Variants in LHCGR observed in about 807,000 individuals in gnomAD.
LHCGR encodes luteinizing hormone/choriogonadotropin receptor, also known as lutropin-choriogonadotropic hormone receptor.
LHCGR carries 55 observed loss-of-function variants against 60.7 expected under a neutral mutation model. The ratio of observed to expected loss-of-function variants is 0.91; its 90% CI spans 0.73 to 1.13. LHCGR has a LOEUF of 1.13. Ranked by LOEUF, LHCGR falls within the 50% of genes most tolerant of loss-of-function variation. The probability of loss-of-function intolerance (pLI) is 0.00; values close to 1 mark genes in which losing one functional copy is unlikely to be tolerated. For synonymous variants in LHCGR, 337 were observed against 316.5 expected (o/e 1.06, Z -0.69); for missense variants, 862 against 836.0 (o/e 1.03, Z -0.38).
intron 1 of LHCGR, among the ~76,000 whole-genome samples, chr2:48,748,207 A>C (rs377048610): frequency 6.6e-6 from 1 of 152,306 alleles, no homozygotes; most frequent in East Asian, 1.9e-4. Context: ...TACATCTGGA[A>C]GACTATAAGC....
rs535477197 is a variant in LHCGR at position 48,687,976 on chromosome 2, T to C, written c.1821A>G (p.Leu607=). ...AATTGATGGGATAAAAAAGAACCAG[T>C]AAAACTTTAGAGTTGGTTACTGTGA... The part of the protein sequence containing the change: ...PLITVTNSKV[L]LVLFYPINSC... Residue 607 remains leucine, a synonymous_variant, in exon 11 of 11, where the codon TTA becomes TTG. Transcript: ENST00000294954. 1.9e-5 allele frequency: 31 copies of C among 1,614,148 alleles called. No homozygotes were observed. The highest frequency in any genetic ancestry group is 2.6e-5 in the Non-Finnish European group (31 of 1,180,010).
At position 48,745,458 on chromosome 2, in the gene LHCGR, A is replaced by C. The variant is rs185626189; in HGVS notation, c.161+10053T>G. Reference sequence around the variant, plus strand: ...CTTGGAACCAAGCCAAATGTCCAACAATGATAGACTGGATTAAGAAAATGT... The same window carrying C: ...CTTGGAACCAAGCCAAATGTCCAACCATGATAGACTGGATTAAGAAAATGT... On this transcript the variant is annotated intron_variant, in intron 1 of 10. Transcript: ENST00000294954. Among the ~76,000 whole-genome samples, 4 of 152,324 alleles carry C rather than the reference A, an allele frequency of 2.6e-5. No homozygotes were observed. The East Asian group carries it at 7.7e-4, about 29-fold the overall frequency.
chr2:48,725,328 A>G (rs1170272138), intron 4 of LHCGR, among the ~76,000 whole-genome samples: 1 of 152,152 alleles, frequency 6.6e-6, no homozygotes, highest in East Asian at 1.9e-4. Context: ...TCTCACTTTC[A>G]CCTACTCTCT....
chr2:48,687,478 C>A lies in LHCGR; in HGVS notation c.*219G>T. On this transcript the variant is annotated 3_prime_UTR_variant, in exon 11 of 11. Transcript: ENST00000294954. ...AAATTTCTATAAAAATTTCTAAACACTCTCAACTTCAGTATTTATGCCATG... is the reference window on the plus strand; with the variant it reads ...AAATTTCTATAAAAATTTCTAAACAATCTCAACTTCAGTATTTATGCCATG... The A allele has an allele frequency of 2.1e-6, 1 of 465,862 alleles. No homozygotes were observed. Among genetic ancestry groups the A allele is most frequent in the Non-Finnish European group, 3.8e-6 (1 of 263,836 alleles). 28.9% of individuals were successfully genotyped at this position (465,862 alleles called of 1,614,324 possible). A position where few individuals can be genotyped will look rare whatever the true frequency, so the allele number is the denominator to read the frequency against.
intron 8 of LHCGR, among the ~76,000 whole-genome samples, chr2:48,706,291 G>A (rs1667667324): frequency 6.6e-6 from 1 of 152,128 alleles, no homozygotes; most frequent in South Asian, 2.1e-4. Flanking sequence ...TTCCCTCTGT[G>A]GGTAACCCAA....
At chr2:48,709,708 A>C (rs980512047) in intron 7 of LHCGR, among the ~76,000 whole-genome samples, 1 of 151,520 alleles carries the variant, frequency 6.6e-6, no homozygotes, top group East Asian at 1.9e-4. Flanking sequence ...CTGTTATGGA[A>C]GTAGCTCCCT....
At chr2:48,723,562 T>C in intron 5 of LHCGR, 29 bp from the exon 6 acceptor site, 2 of 1,606,220 alleles carry the variant, frequency 1.2e-6, no homozygotes, top group Non-Finnish European at 8.5e-7. Context: ...AAATATTTAC[T>C]TTCTAAATTT....
chr2:48,747,742 C>T (rs2103724135), intron 1 of LHCGR, among the ~76,000 whole-genome samples: 1 of 152,010 alleles, frequency 6.6e-6, no homozygotes, highest in Non-Finnish European at 1.5e-5. Context: ...CAGCATACTT[C>T]TACCTTCTTA....
At chr2:48,736,013 G>T (rs560077986) in intron 1 of LHCGR, among the ~76,000 whole-genome samples, 2 of 152,198 alleles carry the variant, frequency 1.3e-5, no homozygotes, top group Admixed American at 1.3e-4. Flanking sequence ...TCTTCCTCCT[G>T]CTCTGGCTAC....
chr2:48,731,287 T>TAGGC lies in LHCGR; in HGVS notation c.169_172dup (p.Tyr58CysfsTer17), dbSNP rs1558875247. The TAGGC allele has an allele frequency of 6.2e-7, 1 of 1,611,056 alleles. No homozygotes were observed. Among genetic ancestry groups the TAGGC allele is most frequent in the Non-Finnish European group, 8.5e-7 (1 of 1,178,316 alleles). ...AGATGGGATCACTTTGACAGGGAGG[T>TAGGC]AGGCAAGTGATCTAGAAAAGAAAAA... On this transcript the variant is annotated frameshift_variant, in exon 2 of 11. Coordinates refer to ENST00000294954, the MANE Select transcript of LHCGR (RefSeq NM_000233.4). LOFTEE classifies it high-confidence loss of function.
chr2:48,723,626 T>A lies in LHCGR; in HGVS notation c.454A>T (p.Ile152Phe). 6.2e-7 allele frequency: 1 copy of A among 1,613,150 alleles called. No homozygotes were observed. The highest frequency in any genetic ancestry group is 1.1e-5 in the South Asian group (1 of 91,064). ...AGCAATCAGCCTGGTACTTACAGAA[T>A]GAAATTTGATTCAGAGGAGAAGACC... ...TKVFSSESNF[I>F]LEICDNLHIT... Residue 152 changes from isoleucine to phenylalanine, a missense_variant, in exon 5 of 11, where the codon ATT becomes TTT. Physicochemically the swap from Ile to Phe is conservative, Grantham distance 21 (BLOSUM62 0). Coordinates refer to ENST00000294954, the MANE Select transcript of LHCGR (RefSeq NM_000233.4).
chr2:48,724,308 C>T (rs915567326), intron 4 of LHCGR, among the ~76,000 whole-genome samples: 7 of 152,156 alleles, frequency 4.6e-5, no homozygotes, highest in Non-Finnish European at 1.0e-4. Context: ...AGGAGAGAGG[C>T]TTAAGTGATA....
intron 7 of LHCGR, among the ~76,000 whole-genome samples, chr2:48,712,236 T>C (rs1668027667): frequency 6.6e-6 from 1 of 152,040 alleles, no homozygotes; most frequent in Admixed American, 6.6e-5. Context: ...TTTTAGTTAG[T>C]AGTCAATGTG....
intron 1 of LHCGR, among the ~76,000 whole-genome samples, chr2:48,747,777 T>C: frequency 6.6e-6 from 1 of 152,224 alleles, no homozygotes; most frequent in East Asian, 1.9e-4. Context: ...TAATCTCTTA[T>C]GATTAAAATG....
chr2:48,741,722 A>G (rs1369543518), intron 1 of LHCGR, among the ~76,000 whole-genome samples: 2 of 151,886 alleles, frequency 1.3e-5, no homozygotes, highest in East Asian at 3.9e-4. Context: ...AACCGGTACC[A>G]GCCGCTGCAA....
intron 8 of LHCGR, among the ~76,000 whole-genome samples, chr2:48,699,545 A>T (rs1283287119): frequency 6.6e-6 from 1 of 152,198 alleles, no homozygotes; most frequent in East Asian, 1.9e-4. Flanking sequence ...CAGATGCCTC[A>T]GTCTTTGATT....
chr2:48,740,579 C>A (rs1468668780), intron 1 of LHCGR, among the ~76,000 whole-genome samples: 2 of 152,156 alleles, frequency 1.3e-5, no homozygotes, highest in Non-Finnish European at 2.9e-5. Context: ...CCAGTAGGGG[C>A]AGACTGACAC....
At chr2:48,698,293 T>C (rs983343179) in intron 9 of LHCGR, among the ~76,000 whole-genome samples, 7 of 152,242 alleles carry the variant, frequency 4.6e-5, no homozygotes, top group Non-Finnish European at 7.3e-5. Context: ...TGATGCTCTC[T>C]GATAAGGATT....
At chr2:48,718,611 A>AT (rs145986703) in intron 6 of LHCGR, among the ~76,000 whole-genome samples, 36 of 151,420 alleles carry the variant, frequency 2.4e-4, no homozygotes, top group African/African-American at 3.1e-4. Context: ...TTTGTAAGCA[A>AT]TTTTTTTTTT....
Sources: gnomAD v4.1 joint callset for allele counts (sites outside exome capture counted in the v4.1 genomes callset) on GRCh38, gnomAD v4.1.1 for gene constraint, MANE v1.5 for transcripts, NCBI Gene and HGNC (gene_info 2026-07-23, HGNC 2026-07-21) for gene names.